The following PCDHGA3 variants were observed in gnomAD, a reference collection of about 807,000 sequenced individuals.
PCDHGA3 encodes the protein protocadherin gamma-A3.
A neutral mutation model predicts 58.5 loss-of-function variants in PCDHGA3; 40 were observed. The observed-to-expected ratio is 0.68, with a 90% CI of 0.53 to 0.89. The LOEUF is 0.89. PCDHGA3 is among the 40% of genes least tolerant of loss of function. The pLI, the probability that PCDHGA3 is intolerant of heterozygous loss-of-function variation, is 0.00. For missense variants in PCDHGA3, 1,223 were observed against 1,195.9 expected, an observed-to-expected ratio of 1.02 and a Z score of -0.33; for synonymous variants, 530 against 525.7, an observed-to-expected ratio of 1.01 and a Z score of -0.11.
Position 141,366,231 on chromosome 5 carries a change from A to G in PCDHGA3, c.2424+19774A>G, listed in dbSNP as rs1288043202. 3 of 1,613,786 alleles carry G rather than the reference A, an allele frequency of 1.9e-6. No homozygotes were observed. Among genetic ancestry groups the G allele is most frequent in the Non-Finnish European group, 2.5e-6 (3 of 1,180,026 alleles). On this transcript the variant is annotated intron_variant, in intron 1 of 3. Transcript: ENST00000253812. ...GTGCGCACAGCGCGAGCCCTGCTGG[A>G]CAGAGACGCGCTCAAGCAGAGCCTC...
At chr5:141,395,194 C>T (rs867640127) in intron 1 of PCDHGA3, 2 of 1,613,922 alleles carry the variant, frequency 1.2e-6, no homozygotes, top group Non-Finnish European at 1.7e-6. Context: ...TTGTTAACAT[C>T]CGTAGATTTT....
chr5:141,374,478 G>A (rs781173070), intron 1 of PCDHGA3: 6 of 1,611,820 alleles, frequency 3.7e-6, no homozygotes, highest in Non-Finnish European at 5.1e-6. Context: ...AATACACCCC[G>A]ATTCTTAAAG....
In PCDHGA3 at chr5:141,486,370, T is replaced by A; in HGVS notation, c.2425-8437T>A. On this transcript the variant is annotated intron_variant, in intron 1 of 3. Transcript: ENST00000253812. This position sits in a 1 kb window ranked among gnomAD's most constrained non-coding sequence, Gnocchi z 5.0. ...ACCACTTGCCATTTGCCCTCAAGTC[T>A]GCCTTCAGGAACCAGTTCTCCCTGG... 1 of 1,614,106 alleles carries A rather than the reference T, an allele frequency of 6.2e-7. No homozygotes were observed. The highest frequency in any genetic ancestry group is 8.5e-7 in the Non-Finnish European group (1 of 1,179,986).
At chr5:141,383,373 G>A (rs759862188) in intron 1 of PCDHGA3, 2 of 1,614,030 alleles carry the variant, frequency 1.2e-6, no homozygotes, top group South Asian at 2.2e-5. Flanking sequence ...GCGAGGCTGG[G>A]GATCCAGATG....
rs545524357 is a variant in PCDHGA3, at chr5:141,467,902, G to A, written c.2425-26905G>A. ...TCAAACTCCTGAGCTCAAGAAATCC[G>A]CCCACCTCAGCCTCCCAAAATGCTA... On this transcript the variant is annotated intron_variant, in intron 1 of 3. Coordinates refer to ENST00000253812, the MANE Select transcript of PCDHGA3 (RefSeq NM_018916.4). 1.1e-4 allele frequency among the ~76,000 whole-genome samples: 16 copies of A among 151,862 alleles called. No homozygotes were observed. The East Asian group carries it at 2.3e-3, about 22-fold the overall frequency.
chr5:141,361,173 A>G, intron 1 of PCDHGA3: 2 of 1,613,958 alleles, frequency 1.2e-6, no homozygotes. Context: ...GTGCACCTGA[A>G]GTTATTGTGA....
intron 1 of PCDHGA3, chr5:141,378,290 C>G (rs544518611): frequency 6.6e-6 from 1 of 152,232 alleles, no homozygotes; most frequent in Non-Finnish European, 1.5e-5. Flanking sequence ...TTTGGGAGGC[C>G]AAGGCAGGCA....
In PCDHGA3 at chr5:141,346,429, A is replaced by T; in HGVS notation, c.2396A>T (p.Glu799Val). The T allele has an allele frequency of 6.2e-7, 1 of 1,614,274 alleles. No homozygotes were observed. Among genetic ancestry groups the T allele is most frequent in the South Asian group, 1.1e-5 (1 of 91,090 alleles). The part of the protein sequence containing the change: ...EPLLITQDLL[E>V]MKGDSNLLQQ... ...CTTCTGATAACTCAGGATTTACTTG[A>T]AATGAAAGGAGATTCCAACCTACTT... Residue 799 changes from glutamate (E) to valine (V), a missense_variant, in exon 1 of 4, where the codon GAA becomes GTA. Glu to Val is a moderately radical substitution (Grantham distance 121, BLOSUM62 -2). Coordinates refer to ENST00000253812, the MANE Select transcript of PCDHGA3 (RefSeq NM_018916.4).
At position 141,486,426 on chromosome 5, in the gene PCDHGA3, A is replaced by T; in HGVS notation, c.2425-8381A>T. 6.2e-7 allele frequency: 1 copy of T among 1,614,190 alleles called. No homozygotes were observed. The highest frequency in any genetic ancestry group is 8.5e-7 in the Non-Finnish European group (1 of 1,180,026). ...GCTGGACCCTTGGATCGAGAGGCCA[A>T]ATCTAGCTATGACATCATGGTCACT... On this transcript the variant is annotated intron_variant, in intron 1 of 3. Coordinates refer to ENST00000253812, the MANE Select transcript of PCDHGA3 (RefSeq NM_018916.4). This position sits in a 1 kb window ranked among gnomAD's most constrained non-coding sequence, Gnocchi z 5.0.
intron 1 of PCDHGA3, among the ~76,000 whole-genome samples, chr5:141,443,609 T>C (rs2098396115): frequency 1.3e-5 from 2 of 152,260 alleles, no homozygotes; most frequent in African/African-American, 4.8e-5. Flanking sequence ...GAAATGTTCT[T>C]ATAATCAGGT....
intron 1 of PCDHGA3, chr5:141,419,467 C>T: frequency 6.2e-7 from 1 of 1,612,476 alleles, no homozygotes; most frequent in Non-Finnish European, 8.5e-7. Context: ...AGGCCCGCGA[C>T]CAGGGCTCGC....
At chr5:141,385,981 A>G (rs2090416620) in intron 1 of PCDHGA3, 1 of 152,244 alleles carries the variant, frequency 6.6e-6, no homozygotes, top group Non-Finnish European at 1.5e-5. Flanking sequence ...AACCAATAAA[A>G]TATGTCAAAT....
intron 1 of PCDHGA3, chr5:141,388,772 C>T (rs747075769): frequency 1.2e-6 from 2 of 1,613,798 alleles, no homozygotes; most frequent in Non-Finnish European, 1.7e-6. Flanking sequence ...ACTCTAACAC[C>T]GGGGAAATTA....
At chr5:141,374,864 G>A (rs1342499165) in intron 1 of PCDHGA3, 4 of 1,613,748 alleles carry the variant, frequency 2.5e-6, no homozygotes, top group Non-Finnish European at 3.4e-6. Flanking sequence ...AGGCACACCA[G>A]TGTTGGCAGT....
At chr5:141,352,305 C>T in intron 1 of PCDHGA3, 8 of 1,614,070 alleles carry the variant, frequency 5.0e-6, no homozygotes, top group African/African-American at 1.3e-5. Context: ...GACCCCCAGA[C>T]GGAACTGCAG....
intron 2 of PCDHGA3, among the ~76,000 whole-genome samples, chr5:141,496,335 C>G (rs2099768099): frequency 1.3e-5 from 2 of 152,204 alleles, no homozygotes; most frequent in Admixed American, 6.5e-5. Flanking sequence ...AAGTCAGGAG[C>G]CTGGAGGAGT....
chr5:141,364,604 C>T lies in PCDHGA3; in HGVS notation c.2424+18147C>T. On this transcript the variant is annotated intron_variant, in intron 1 of 3. Transcript: ENST00000253812. ...CTTGGTCACCGCGGGCAGGATAGAC[C>T]GGGAGGAGCTCTGCGCTCAGAGCCC... 6.2e-7 allele frequency: 1 copy of T among 1,614,162 alleles called. No homozygotes were observed. Among genetic ancestry groups the T allele is most frequent in the Non-Finnish European group, 8.5e-7 (1 of 1,179,996 alleles).
chr5:141,397,194 A>G (rs1362793784), intron 1 of PCDHGA3, among the ~76,000 whole-genome samples: 1 of 152,240 alleles, frequency 6.6e-6, no homozygotes, highest in Admixed American at 6.5e-5. Flanking sequence ...GTACTGTAAA[A>G]GATATGACAT....
chr5:141,380,459 C>T (rs1776510464), intron 1 of PCDHGA3, among the ~76,000 whole-genome samples: 1 of 152,164 alleles, frequency 6.6e-6, no homozygotes, highest in Non-Finnish European at 1.5e-5. Flanking sequence ...TGCAACCAAA[C>T]AAATGGTCAG....
Sources: gnomAD v4.1 joint callset for allele counts (sites outside exome capture counted in the v4.1 genomes callset) on GRCh38, gnomAD v4.1.1 for gene constraint, Gnocchi (gnomAD v3.1) non-coding constraint, MANE v1.5 for transcripts, NCBI Gene and HGNC (gene_info 2026-07-23, HGNC 2026-07-21) for gene names.